Variants in ROR2 observed in about 807,000 individuals in gnomAD.
ROR2 encodes the protein tyrosine-protein kinase transmembrane receptor ROR2.
A neutral mutation model predicts 74.9 loss-of-function variants in ROR2; 33 were observed. The observed-to-expected ratio is 0.44, with a 90% CI of 0.33 to 0.59. The LOEUF (loss-of-function observed/expected upper bound fraction) is 0.59. ROR2 is among the 20% of genes least tolerant of loss of function. ROR2 has a pLI of 0.02. For missense variants in ROR2, 1,216 were observed against 1,313.8 expected (o/e 0.93, Z 1.15); for synonymous variants, 586 against 558.7 (o/e 1.05, Z -0.69).
chr9:91,932,555 T>C (rs904268048), intron 1 of ROR2, among the ~76,000 whole-genome samples: 1 of 151,646 alleles, frequency 6.6e-6, no homozygotes, highest in African/African-American at 2.4e-5. Flanking sequence ...TCCCAGCTAC[T>C]TGGGAGGCTG....
At chr9:91,731,938 ACCACCTT>A (rs1180730424) in intron 6 of ROR2, among the ~76,000 whole-genome samples, 2 of 152,056 alleles carry the variant, frequency 1.3e-5, no homozygotes, top group African/African-American at 4.8e-5. Context: ...AAACAAAAAA[ACCACCTT>A]CCTAAATATT....
intron 1 of ROR2, among the ~76,000 whole-genome samples, chr9:91,845,922 T>C (rs1828917443): frequency 7.1e-6 from 1 of 141,264 alleles, no homozygotes; most frequent in African/African-American, 2.7e-5. Context: ...GTGTACCTTA[T>C]GAAGAGCTCT....
chr9:91,927,755 G>A (rs559867258), intron 1 of ROR2, among the ~76,000 whole-genome samples: 2 of 151,808 alleles, frequency 1.3e-5, no homozygotes, highest in South Asian at 4.2e-4. Context: ...GTAGAGACGG[G>A]GTTTCACCAT....
At chr9:91,828,441 C>T (rs1322910613) in intron 1 of ROR2, among the ~76,000 whole-genome samples, 2 of 152,178 alleles carry the variant, frequency 1.3e-5, no homozygotes, top group South Asian at 2.1e-4. Flanking sequence ...CGGCAGGGTG[C>T]GGTGGCTCAC....
intron 1 of ROR2, among the ~76,000 whole-genome samples, chr9:91,816,688 AC>A (rs571366129): frequency 2.2e-5 from 2 of 91,286 alleles, no homozygotes; most frequent in African/African-American, 4.2e-5. Context: ...CTTGTTTACC[AC>A]CCCCCCACCC....
intron 1 of ROR2, among the ~76,000 whole-genome samples, chr9:91,843,406 G>T (rs1828840256): frequency 6.6e-6 from 1 of 152,214 alleles, no homozygotes; most frequent in South Asian, 2.1e-4. Flanking sequence ...ACAGTCTGTT[G>T]TATCCTAGAC....
chr9:91,769,039 CTTGGGA>C (rs963843331), intron 2 of ROR2, among the ~76,000 whole-genome samples: 1 of 152,172 alleles, frequency 6.6e-6, no homozygotes, highest in African/African-American at 2.4e-5. Flanking sequence ...GAAAGGTTTG[CTTGGGA>C]TTGCGTGGCT....
intron 4 of ROR2, among the ~76,000 whole-genome samples, chr9:91,753,055 G>A (rs1483730666): frequency 6.6e-6 from 1 of 152,118 alleles, no homozygotes; most frequent in South Asian, 2.1e-4. Context: ...TCCTTGATAA[G>A]AAAATTCAAT....
chr9:91,864,524 C>T (rs1829569926), intron 1 of ROR2, among the ~76,000 whole-genome samples: 1 of 152,208 alleles, frequency 6.6e-6, no homozygotes, highest in Non-Finnish European at 1.5e-5. Context: ...GATTTTCTTG[C>T]CAAATTTTGC....
At chr9:91,899,682 A>G (rs1265218420) in intron 1 of ROR2, among the ~76,000 whole-genome samples, 1 of 152,068 alleles carries the variant, frequency 6.6e-6, no homozygotes. Flanking sequence ...AGAGTTCCCC[A>G]CGCTCTGCCT....
chr9:91,937,317 CA>C (rs1821098161), intron 1 of ROR2, among the ~76,000 whole-genome samples: 1 of 152,088 alleles, frequency 6.6e-6, no homozygotes, highest in African/African-American at 2.4e-5. Flanking sequence ...GAATGTGGAT[CA>C]AATATTTGTA....
intron 1 of ROR2, among the ~76,000 whole-genome samples, chr9:91,789,954 A>G (rs1410236639): frequency 6.6e-6 from 1 of 152,224 alleles, no homozygotes; most frequent in African/African-American, 2.4e-5. Context: ...TCGAATTCAA[A>G]AACACAAATA....
chr9:91,848,239 T>A (rs1346406106), intron 1 of ROR2, among the ~76,000 whole-genome samples: 2 of 152,212 alleles, frequency 1.3e-5, no homozygotes, highest in African/African-American at 4.8e-5. Flanking sequence ...TTCCTGCGAA[T>A]CCCCTACCTT....
At chr9:91,923,749 C>A (rs1453085710) in intron 1 of ROR2, 1 of 152,192 alleles carries the variant, frequency 6.6e-6, no homozygotes, top group Non-Finnish European at 1.5e-5. Context: ...TTGCTTGTTG[C>A]AAATAATGTA....
At position 91,724,313 on chromosome 9, in the gene ROR2, C is replaced by T; in HGVS notation, c.2181G>A (p.Glu727=). Residue 727 remains glutamate (E), a synonymous_variant, in exon 9 of 9, where the codon GAG becomes GAA. Transcript: ENST00000375708. The part of the protein sequence containing the change: ...CPAWVYALMI[E]CWNEFPSRRP... ...GCCGGCTGGGGAACTCGTTCCAGCA[C>T]TCGATCATGAGGGCATACACCCAGG... is the stretch of plus-strand genomic sequence containing the variant. 3 of 1,613,242 alleles carry T rather than the reference C, an allele frequency of 1.9e-6. No homozygotes were observed. The highest frequency in any genetic ancestry group is 2.5e-6 in the Non-Finnish European group (3 of 1,180,018).
At position 91,775,755 on chromosome 9, in the gene ROR2, A is replaced by G. The variant is rs377379000; in HGVS notation, c.161T>C (p.Ile54Thr). The G allele has an allele frequency of 6.2e-7, 1 of 1,613,978 alleles. No homozygotes were observed. The highest frequency in any genetic ancestry group is 8.5e-7 in the Non-Finnish European group (1 of 1,180,002). Residue 54 changes from isoleucine (I) to threonine (T), a missense_variant, in exon 2 of 9, where the codon ATT (isoleucine) becomes ACT (threonine). Physicochemically the swap from Ile to Thr is moderately conservative, Grantham distance 89. Transcript: ENST00000375708. ...TCCCAGCTCACCTTTCAGAGTTGGA[A>G]TCGGGCCGTCCTGCCCATCAAGGGG... ...LGPLDGQDGP[I>T]PTLKGYFLNF...
At chr9:91,802,327 C>T (rs1177391323) in intron 1 of ROR2, among the ~76,000 whole-genome samples, 1 of 152,032 alleles carries the variant, frequency 6.6e-6, no homozygotes, top group Non-Finnish European at 1.5e-5. Context: ...CCGCCTGCCT[C>T]GGCCTCTCAA....
intron 1 of ROR2, among the ~76,000 whole-genome samples, chr9:91,863,298 T>C (rs1010101409): frequency 2.6e-5 from 4 of 152,184 alleles, no homozygotes; most frequent in African/African-American, 9.7e-5. Flanking sequence ...AGTGCTAGGA[T>C]TGCAGGCATG....
In ROR2 at chr9:91,726,663, A is replaced by G. The variant is rs1233904070; in HGVS notation, c.1264T>C (p.Phe422Leu). 6.2e-7 allele frequency: 1 copy of G among 1,613,872 alleles called. No individual in the cohort carries two copies. The highest frequency in any genetic ancestry group is 8.5e-7 in the Non-Finnish European group (1 of 1,180,028). ...TTCCGGCACATGCAAACCAAGAAGA[A>G]AAGGCAAGCGATGACCAGTGGAATT... ...IAIPLVIACL[F>L]FLVCMCRNKQ... The change falls in exon 8 of 9, where the codon TTC (phenylalanine) becomes CTC (leucine). Residue 422 changes from phenylalanine (F) to leucine (L), a missense_variant. Phe to Leu is a conservative substitution (Grantham distance 22). Transcript: ENST00000375708.
Sources: allele counts gnomAD v4.1 joint callset (sites outside exome capture counted in the v4.1 genomes callset), GRCh38; gene constraint gnomAD v4.1.1; transcripts MANE v1.5; gene names NCBI Gene and HGNC (gene_info 2026-07-23, HGNC 2026-07-21).